Variants in ERI3 observed in about 807,000 individuals in gnomAD.
ERI3 encodes the protein ERI1 exoribonuclease family member 3, also known as ERI1 exoribonuclease 3.
In ERI3, 18 loss-of-function variants were observed where a neutral mutation model predicts 44.4. That is an observed-to-expected ratio of 0.41 (90% CI 0.28 to 0.60). ERI3 has a LOEUF of 0.60. Ranked by LOEUF, ERI3 falls within the 20% of genes least tolerant of loss-of-function variation. The pLI, the probability that ERI3 is intolerant of heterozygous loss-of-function variation, is 0.36. For missense variants in ERI3, 294 were observed against 435.5 expected (o/e 0.68, Z 2.89); for synonymous variants, 183 against 164.8 (o/e 1.11, Z -0.84).
At chr1:44,353,827 C>A in intron 1 of ERI3, 1 of 985,356 alleles carries the variant, frequency 1.0e-6, no homozygotes, top group Non-Finnish European at 1.2e-6. Context: ...TCCAGTGAAG[C>A]ACCACAGAAT....
chr1:44,337,249 C>T (rs1186518987), intron 3 of ERI3, among the ~76,000 whole-genome samples: 1 of 152,004 alleles, frequency 6.6e-6, no homozygotes, highest in African/African-American at 2.4e-5. Context: ...AGGTGCCAAG[C>T]GATTATGAGG....
At chr1:44,269,759 A>G (rs928104418) in intron 7 of ERI3, among the ~76,000 whole-genome samples, 1 of 152,228 alleles carries the variant, frequency 6.6e-6, no homozygotes, top group African/African-American at 2.4e-5. Flanking sequence ...GCTATGGGCC[A>G]AGTGACAAGA....
Position 44,221,392 on chromosome 1 carries a change from T to C in ERI3, c.*166A>G. Reference sequence around the variant, plus strand: ...CCAGAAGGGCCAAGTGGCCAAGCCCTTGCAAGGGCACAAGCCCACGCCAAG... The same window carrying C: ...CCAGAAGGGCCAAGTGGCCAAGCCCCTGCAAGGGCACAAGCCCACGCCAAG... On this transcript the variant is annotated 3_prime_UTR_variant, in exon 9 of 9. Transcript: ENST00000372257. This position sits in a 1 kb window ranked among gnomAD's most constrained non-coding sequence, Gnocchi z 5.9. 1.6e-6 allele frequency: 1 copy of C among 615,688 alleles called. No individual in the cohort carries two copies. The highest frequency in any genetic ancestry group is 2.0e-5 in the South Asian group (1 of 50,658). 38.1% of individuals were successfully genotyped at this position (615,688 alleles called of 1,614,324 possible). A position where few individuals can be genotyped will look rare whatever the true frequency, so the allele number is the denominator to read the frequency against.
intron 7 of ERI3, among the ~76,000 whole-genome samples, chr1:44,276,795 A>G (rs1005086686): frequency 6.6e-6 from 1 of 152,046 alleles, no homozygotes; most frequent in African/African-American, 2.4e-5. Context: ...TCTTACCAAT[A>G]TTTTCAATTC....
chr1:44,349,004 A>T (rs1646839112), intron 2 of ERI3, among the ~76,000 whole-genome samples: 1 of 152,240 alleles, frequency 6.6e-6, no homozygotes, highest in South Asian at 2.1e-4. Context: ...GTAAGGCCAC[A>T]GGGTATCAAC....
chr1:44,244,008 G>A (rs1192475159), intron 8 of ERI3: 1 of 152,086 alleles, frequency 6.6e-6, no homozygotes, highest in Non-Finnish European at 1.5e-5. Flanking sequence ...CTATAAAATG[G>A]GAATGATGAT....
At chr1:44,350,649 T>C (rs1490285477) in intron 2 of ERI3, among the ~76,000 whole-genome samples, 1 of 152,222 alleles carries the variant, frequency 6.6e-6, no homozygotes, top group East Asian at 1.9e-4. Flanking sequence ...AATTCTTTGG[T>C]AGACATTCTA....
At chr1:44,296,999 C>G (rs924899408) in intron 6 of ERI3, among the ~76,000 whole-genome samples, 1 of 152,138 alleles carries the variant, frequency 6.6e-6, no homozygotes, top group South Asian at 2.1e-4. Context: ...CAGTCAGCAC[C>G]GTGATTTGTT....
chr1:44,223,796 C>G (rs1219704796), intron 8 of ERI3, among the ~76,000 whole-genome samples: 2 of 152,200 alleles, frequency 1.3e-5, no homozygotes. Context: ...ACGTCCCAGT[C>G]TCTGTCCTTG....
chr1:44,288,897 C>G (rs1311460029), intron 6 of ERI3, among the ~76,000 whole-genome samples: 1 of 152,002 alleles, frequency 6.6e-6, no homozygotes, highest in Admixed American at 6.6e-5. Flanking sequence ...CTGTACATTC[C>G]TACCAGATTG....
chr1:44,261,769 A>T (rs60591571), intron 7 of ERI3, among the ~76,000 whole-genome samples: 1,848 of 152,292 alleles, frequency 0.012, 71 homozygotes, highest in East Asian at 0.069. Flanking sequence ...AGTGAAAATG[A>T]GTCTCCTGGC....
At chr1:44,246,585 G>T (rs1404456994) in intron 8 of ERI3, among the ~76,000 whole-genome samples, 2 of 152,244 alleles carry the variant, frequency 1.3e-5, no homozygotes, top group Non-Finnish European at 1.5e-5. Context: ...CTCCTGGGGT[G>T]AGATGCCCCC....
At chr1:44,238,824 G>C (rs1323864759) in intron 8 of ERI3, among the ~76,000 whole-genome samples, 6 of 152,030 alleles carry the variant, frequency 3.9e-5, no homozygotes, top group Admixed American at 3.3e-4. Flanking sequence ...TGCAGGAGGA[G>C]GGGAGGAAGA....
chr1:44,254,735 C>T (rs1471911114), intron 7 of ERI3, among the ~76,000 whole-genome samples: 1 of 152,094 alleles, frequency 6.6e-6, no homozygotes, highest in Non-Finnish European at 1.5e-5. Flanking sequence ...GCTCTTTCTG[C>T]ATGCCCCTTA....
At chr1:44,306,703 CAGTT>C (rs1645842135) in intron 6 of ERI3, among the ~76,000 whole-genome samples, 1 of 152,236 alleles carries the variant, frequency 6.6e-6, no homozygotes, top group Non-Finnish European at 1.5e-5. Flanking sequence ...GCATCGTGCA[CAGTT>C]AAAGTAGAAG....
chr1:44,281,920 GTGTGTGTA>G (rs1231846449), intron 7 of ERI3, among the ~76,000 whole-genome samples: 19 of 148,160 alleles, frequency 1.3e-4, no homozygotes, highest in African/African-American at 3.6e-4. Flanking sequence ...GTGTGTGTGT[GTGTGTGTA>G]TGTATTCTTC....
intron 8 of ERI3, among the ~76,000 whole-genome samples, chr1:44,231,287 AC>A (rs1644177638): frequency 6.6e-6 from 1 of 151,994 alleles, no homozygotes; most frequent in Non-Finnish European, 1.5e-5. Flanking sequence ...CTGTCTGTAT[AC>A]TTTTTTTTTC....
At position 44,228,297 on chromosome 1, in the gene ERI3, C is replaced by T. The variant is rs1160121236; in HGVS notation, c.932-6657G>A. 1.3e-5 allele frequency among the ~76,000 whole-genome samples: 2 copies of T among 152,144 alleles called. No homozygotes were observed. Among genetic ancestry groups the T allele is most frequent in the East Asian group, 1.9e-4 (1 of 5,198 alleles). On this transcript the variant is annotated intron_variant, in intron 8 of 8. Coordinates refer to ENST00000372257, the MANE Select transcript of ERI3 (RefSeq NM_024066.3). The surrounding 1 kb of genome is among the most constrained non-coding windows in gnomAD (Gnocchi z 4.3). ...GCCACAGGCTGATGGTGAAGGATGA[C>T]GATGGTTCCACAATAAGGGGAAAAG...
chr1:44,320,768 C>CA (rs1012790128), intron 3 of ERI3, among the ~76,000 whole-genome samples: 83 of 148,406 alleles, frequency 5.6e-4, no homozygotes, highest in African/African-American at 1.2e-3. Flanking sequence ...GTTTACAACA[C>CA]AAAAAAAAAC....
Sources: gnomAD v4.1 joint callset for allele counts (sites outside exome capture counted in the v4.1 genomes callset) on GRCh38, gnomAD v4.1.1 for gene constraint, Gnocchi (gnomAD v3.1) non-coding constraint, MANE v1.5 for transcripts, NCBI Gene and HGNC (gene_info 2026-07-23, HGNC 2026-07-21) for gene names.